INTS3: variants seen among roughly 807,000 people sequenced by gnomAD.
INTS3 encodes the protein SOSS complex subunit A.
INTS3 carries 34 observed loss-of-function variants against 146.3 expected under a neutral mutation model. The observed-to-expected ratio is 0.23, with a 90% CI of 0.18 to 0.31. INTS3 has a LOEUF of 0.31. INTS3 is among the 10% of genes least tolerant of loss of function. The pLI is 1.00. For missense variants in INTS3, 757 were observed against 1,304.2 expected (o/e 0.58, Z 6.46); for synonymous variants, 475 against 494.9 (o/e 0.96, Z 0.53).
In INTS3 at chr1:153,763,410, C is replaced by G. The variant is rs762499931; in HGVS notation, c.1766+48C>G. On this transcript the variant is annotated intron_variant, in intron 16 of 29. Transcript: ENST00000318967. ...ACTTCAGGAGGTTCAGCCCCAGGCT[C>G]TCTACCTGGTGCTTAATGGGTATAG... 1.7e-5 allele frequency: 27 copies of G among 1,604,376 alleles called. No homozygotes were observed. In the South Asian group the frequency reaches 2.2e-4, roughly 13 times the overall value.
intron 25 of INTS3, among the ~76,000 whole-genome samples, chr1:153,771,144 G>A (rs1028751794): frequency 3.3e-5 from 5 of 152,148 alleles, no homozygotes; most frequent in Non-Finnish European, 5.9e-5. Context: ...ACCCTGTGCA[G>A]AGCAGAGCCA....
At chr1:153,740,107 T>G (rs2101786847) in intron 1 of INTS3, among the ~76,000 whole-genome samples, 1 of 145,528 alleles carries the variant, frequency 6.9e-6, no homozygotes, top group Non-Finnish European at 1.5e-5. Context: ...CCTATTTTAT[T>G]TTATTTTTTT....
chr1:153,772,581 A>G lies in INTS3; in HGVS notation c.2822-58A>G, dbSNP rs1247148211. ...TAAAACAACCTGTGCGTGCTGTTTA[A>G]TAAGCTCCCAGACATCTGATTGTTT... On this transcript the variant is annotated intron_variant, in intron 27 of 29. Coordinates refer to ENST00000318967, the MANE Select transcript of INTS3 (RefSeq NM_023015.5). This position sits in a 1 kb window ranked among gnomAD's most constrained non-coding sequence, Gnocchi z 4.6. The G allele has an allele frequency of 1.2e-6, 2 of 1,613,142 alleles. No homozygotes were observed. The highest frequency in any genetic ancestry group is 1.7e-5 in the Admixed American group (1 of 59,798).
intron 20 of INTS3, among the ~76,000 whole-genome samples, chr1:153,766,148 G>C (rs1333725314): frequency 8.1e-6 from 1 of 124,190 alleles, no homozygotes; most frequent in African/African-American, 3.2e-5. Context: ...TTGAGACAGA[G>C]TCTCGCTGTG....
At chr1:153,765,875 A>C (rs1454411302) in intron 20 of INTS3, among the ~76,000 whole-genome samples, 1 of 151,994 alleles carries the variant, frequency 6.6e-6, no homozygotes, top group Non-Finnish European at 1.5e-5. Context: ...CGGCCTCAAT[A>C]ATTTTTTAGT....
intron 20 of INTS3, among the ~76,000 whole-genome samples, chr1:153,766,236 C>T (rs889698366): frequency 3.3e-5 from 5 of 151,414 alleles, no homozygotes; most frequent in African/African-American, 1.2e-4. Flanking sequence ...ATTCTCCTGC[C>T]TCAGCCTCCC....
intron 25 of INTS3, among the ~76,000 whole-genome samples, chr1:153,770,958 T>C (rs1447986834): frequency 6.6e-6 from 1 of 151,960 alleles, no homozygotes; most frequent in Non-Finnish European, 1.5e-5. Flanking sequence ...CCCTCGGAGG[T>C]GGGGAGGTGG....
intron 8 of INTS3, among the ~76,000 whole-genome samples, chr1:153,753,331 G>A (rs1672033171): frequency 6.6e-6 from 1 of 151,908 alleles, no homozygotes; most frequent in African/African-American, 2.4e-5. Context: ...GGCCGAGGCG[G>A]GCGGATCACG....
chr1:153,745,592 A>G (rs191975074), intron 3 of INTS3, among the ~76,000 whole-genome samples: 7 of 150,784 alleles, frequency 4.6e-5, no homozygotes, highest in Non-Finnish European at 1.0e-4. Context: ...AGGCTAAGGA[A>G]GTTGCTAATG....
intron 9 of INTS3, among the ~76,000 whole-genome samples, chr1:153,756,508 C>T (rs1441394235): frequency 6.7e-6 from 1 of 150,290 alleles, no homozygotes; most frequent in East Asian, 2.0e-4. Flanking sequence ...TCAATGAGAC[C>T]CTGTCTCTTA....
Position 153,747,065 on chromosome 1 carries a change from A to G in INTS3, c.427A>G (p.Thr143Ala), listed in dbSNP as rs1185159378. 1.4e-5 allele frequency: 22 copies of G among 1,598,202 alleles called. No homozygotes were observed. In the East Asian group the frequency reaches 4.9e-4, roughly 36 times the overall value. ...CCTGAAGCTGCAGGATACCTGCCGT[A>G]CTCAGGTAAGGCCAGAAAGAAAAGA... is the stretch of plus-strand genomic sequence containing the variant. Reference protein sequence around the residue: ...KYLKLQDTCRTQLVWLVRELV... With the variant: ...KYLKLQDTCRAQLVWLVRELV... Residue 143 changes from threonine (T) to alanine (A), a missense_variant, in exon 4 of 30, where the codon ACT becomes GCT. Around this residue, in one of 8 missense-constraint regions of INTS3, gnomAD observed 160 missense variants for 193.7 expected, o/e 0.83. Coordinates refer to ENST00000318967, the MANE Select transcript of INTS3 (RefSeq NM_023015.5).
chr1:153,746,775 A>T (rs1671762069), intron 3 of INTS3, 182 bp from the exon 4 acceptor site: 1 of 570,258 alleles, frequency 1.8e-6, no homozygotes, highest in East Asian at 2.8e-5. Context: ...AACAAGGGAT[A>T]GGTTGGGAAT....
At chr1:153,746,644 A>G (rs566813637) in intron 3 of INTS3, among the ~76,000 whole-genome samples, 9 of 151,822 alleles carry the variant, frequency 5.9e-5, no homozygotes, top group South Asian at 4.2e-4. Context: ...CTCGTGATCC[A>G]CCCGCCTTGG....
chr1:153,759,203 G>A (rs531566780), intron 10 of INTS3, among the ~76,000 whole-genome samples: 42 of 152,012 alleles, frequency 2.8e-4, no homozygotes, highest in Non-Finnish European at 4.4e-4. Flanking sequence ...GAGCCTGGGC[G>A]GTGGAGGTTG....
chr1:153,748,449 T>C (rs1197461485), intron 5 of INTS3: 1 of 554,484 alleles, frequency 1.8e-6, no homozygotes, highest in African/African-American at 1.9e-5. Flanking sequence ...CAACTCACAA[T>C]CTGTGGGAAA....
intron 16 of INTS3, 62 bp from the exon 17 acceptor site, chr1:153,763,770 G>A (rs532217719): frequency 7.2e-7 from 1 of 1,383,096 alleles, no homozygotes; most frequent in Non-Finnish European, 1.0e-6. Flanking sequence ...TGTTCTGGGT[G>A]TGTGTCCTGC....
intron 9 of INTS3, among the ~76,000 whole-genome samples, chr1:153,756,173 C>G (rs1248306704): frequency 6.6e-6 from 1 of 151,890 alleles, no homozygotes; most frequent in Non-Finnish European, 1.5e-5. Context: ...GTCAGGAGTT[C>G]AAGACTAGCC....
At chr1:153,760,257 A>AAG (rs1210001534) in intron 11 of INTS3, 54 bp from the exon 12 acceptor site, 102 of 926,498 alleles carry the variant, frequency 1.1e-4, no homozygotes, top group Middle Eastern at 7.7e-4. Context: ...AAAAAAAAAA[A>AAG]AGAGAGAGAG....
At chr1:153,751,318 A>C (rs1671950286) in intron 7 of INTS3, 79 bp downstream of exon 7, 5 of 1,393,216 alleles carry the variant, frequency 3.6e-6, no homozygotes, top group Non-Finnish European at 5.0e-6. Context: ...CAGTGGAGTC[A>C]GAAATACCTT....
Sources: allele counts gnomAD v4.1 joint callset (sites outside exome capture counted in the v4.1 genomes callset), GRCh38; gene constraint gnomAD v4.1.1; regional missense constraint gnomAD v4.1.1; non-coding constraint Gnocchi (gnomAD v3.1); transcripts MANE v1.5; gene names NCBI Gene and HGNC (gene_info 2026-07-23, HGNC 2026-07-21).